The following TJP1 variants were observed in gnomAD, a reference collection of about 807,000 sequenced individuals.
TJP1 encodes the protein tight junction protein ZO-1.
TJP1 carries 43 observed loss-of-function variants against 194.2 expected under a neutral mutation model. The observed-to-expected ratio is 0.22, with a 90% CI of 0.17 to 0.29. TJP1 has a LOEUF of 0.29. Ranked by LOEUF, TJP1 falls within the 10% of genes least tolerant of loss-of-function variation. The probability of loss-of-function intolerance (pLI) is 1.00; values close to 1 mark genes in which losing one functional copy is unlikely to be tolerated. For synonymous variants in TJP1, 801 were observed against 779.0 expected, an observed-to-expected ratio of 1.03 and a Z score of -0.47; for missense variants, 1,971 against 2,185.7, an observed-to-expected ratio of 0.90 and a Z score of 1.96.
At chr15:29,863,794 C>T (rs2052188634) in intron 2 of TJP1, among the ~76,000 whole-genome samples, 1 of 152,150 alleles carries the variant, frequency 6.6e-6, no homozygotes, top group Non-Finnish European at 1.5e-5. Flanking sequence ...CACACCCCAT[C>T]CCCCAGAATG....
intron 2 of TJP1, among the ~76,000 whole-genome samples, chr15:29,947,040 T>C (rs978031600): frequency 6.6e-6 from 1 of 152,250 alleles, no homozygotes; most frequent in African/African-American, 2.4e-5. Flanking sequence ...TTCTAAAATA[T>C]ATTACTCACT....
intron 24 of TJP1, 99 bp from the exon 25 acceptor site, chr15:29,709,135 T>G: frequency 8.6e-7 from 1 of 1,158,372 alleles, no homozygotes. Flanking sequence ...GAGGCCCAAA[T>G]GTGGGTCGCA....
In TJP1 at chr15:29,718,863, A is replaced by G. The variant is rs763766072; in HGVS notation, c.3279T>C (p.Tyr1093=). 2 of 1,614,194 alleles carry G rather than the reference A, an allele frequency of 1.2e-6. No individual in the cohort carries two copies. Among genetic ancestry groups the G allele is most frequent in the Non-Finnish European group, 1.7e-6 (2 of 1,180,032 alleles). Residue 1093 remains tyrosine, a synonymous_variant, in exon 21 of 28, where the codon TAT becomes TAC. Coordinates refer to ENST00000614355, the MANE Select transcript of TJP1 (RefSeq NM_001330239.4). The stretch of plus-strand genomic sequence containing the variant: ...ATGGGTAGGGCTGTTTGTCATCATA[A>G]TATGACCACTGTTCTTCATACATGG... ...RVPMYEEQWS[Y]YDDKQPYPSR... is the part of the protein sequence containing the mutation.
chr15:29,720,979 C>A (rs1456900094), intron 18 of TJP1, among the ~76,000 whole-genome samples: 1 of 152,106 alleles, frequency 6.6e-6, no homozygotes, highest in African/African-American at 2.4e-5. Flanking sequence ...TGGAAGACAA[C>A]GAAGAAACTC....
intron 1 of TJP1, among the ~76,000 whole-genome samples, chr15:29,818,745 T>C (rs1427298115): frequency 1.3e-5 from 2 of 149,372 alleles, no homozygotes; most frequent in African/African-American, 5.0e-5. Context: ...CTTGAACTCC[T>C]GACGTCGTGA....
intron 2 of TJP1, among the ~76,000 whole-genome samples, chr15:29,877,252 G>A (rs1210659125): frequency 6.6e-6 from 1 of 152,248 alleles, no homozygotes; most frequent in Non-Finnish European, 1.5e-5. Context: ...GACATGCTCT[G>A]CCTTCCAGGC....
At chr15:29,929,971 T>A (rs2054653673) in intron 2 of TJP1, among the ~76,000 whole-genome samples, 1 of 152,078 alleles carries the variant, frequency 6.6e-6, no homozygotes, top group Admixed American at 6.5e-5. Flanking sequence ...GCAATACAAC[T>A]GAAAATTTAG....
At chr15:29,748,927 T>C (rs1326150351) in intron 8 of TJP1, among the ~76,000 whole-genome samples, 1 of 34,016 alleles carries the variant, frequency 2.9e-5, no homozygotes, top group African/African-American at 6.3e-5. Context: ...TAAAAATGTG[T>C]GTGTGTGTGT....
chr15:29,920,340 C>T (rs1234554481), intron 2 of TJP1, among the ~76,000 whole-genome samples: 2 of 152,142 alleles, frequency 1.3e-5, no homozygotes, highest in African/African-American at 4.8e-5. Context: ...AAGGCTACTC[C>T]TCTTGAGACT....
chr15:29,884,922 A>T (rs2053064967), intron 2 of TJP1, among the ~76,000 whole-genome samples: 1 of 152,196 alleles, frequency 6.6e-6, no homozygotes, highest in Admixed American at 6.5e-5. Context: ...CTAGCAACAG[A>T]TATGGATGGA....
chr15:29,965,187 ATT>A (rs1309316965), intron 1 of TJP1, among the ~76,000 whole-genome samples: 4 of 630 alleles, frequency 6.3e-3, no homozygotes, highest in African/African-American at 8.4e-3. Context: ...ACATCCTCAC[ATT>A]TATTTATTTA....
chr15:29,748,953 T>A (rs200890982), intron 8 of TJP1, among the ~76,000 whole-genome samples: 8 of 32,258 alleles, frequency 2.5e-4, no homozygotes, highest in Admixed American at 1.7e-3. Context: ...TGTGTGTGTG[T>A]GCGCGTGTGT....
chr15:29,959,509 C>T (rs998057499), intron 1 of TJP1, among the ~76,000 whole-genome samples: 2 of 152,044 alleles, frequency 1.3e-5, no homozygotes, highest in East Asian at 1.9e-4. Context: ...TTCCCCACTG[C>T]GACTACTGTG....
At position 29,822,184 on chromosome 15, in the gene TJP1, A is replaced by G; in HGVS notation, c.-156T>C. On this transcript the variant is annotated 5_prime_UTR_variant, in exon 1 of 28. Transcript: ENST00000614355. ...GAAGGGCCCGGCCCAGGGGGAGGGAATTCAACTCGGACAAAAGTCCGGGAA... is the reference window on the plus strand; with the variant it reads ...GAAGGGCCCGGCCCAGGGGGAGGGAGTTCAACTCGGACAAAAGTCCGGGAA... 1 of 1,176,908 alleles carries G rather than the reference A, an allele frequency of 8.5e-7. No individual in the cohort carries two copies. Among genetic ancestry groups the G allele is most frequent in the Non-Finnish European group, 1.0e-6 (1 of 952,572 alleles). The allele number at this position is 1,176,908 out of a possible 1,614,324, so 72.9% of individuals were successfully genotyped here.
At chr15:29,867,138 G>A (rs1252869648) in intron 2 of TJP1, among the ~76,000 whole-genome samples, 1 of 152,208 alleles carries the variant, frequency 6.6e-6, no homozygotes, top group Non-Finnish European at 1.5e-5. Flanking sequence ...GTAAAAGGTG[G>A]AAAGAGCAAT....
In TJP1 at chr15:29,839,747, C is replaced by T. The variant is rs571759799; in HGVS notation, c.307-39045G>A. Among the ~76,000 whole-genome samples the T allele has an allele frequency of 2.0e-5, 3 of 152,292 alleles. No individual in the cohort carries two copies. In the South Asian group the frequency reaches 6.2e-4, roughly 32 times the overall value. ...CATGTGAAAATAACTCTTCATTTCT[C>T]TGGAATAAATGCCTAAGAATTGAAA... is the stretch of plus-strand genomic sequence containing the variant. On this transcript the variant is annotated intron_variant, in intron 2 of 28. Coordinates refer to the TJP1 transcript ENST00000356107.
Position 29,720,608 on chromosome 15 carries a change from C to T in TJP1, c.2513G>A (p.Arg838Lys). ...SEYSMYSTDS[R>K]HTSDYEDTDT... ...TGTGTCTTCATAGTCAGAAGTGTGT[C>T]TACTGTCCGTGCTATACATTGAGTA... The change falls in exon 19 of 28, where the codon AGA becomes AAA. Residue 838 changes from arginine (R) to lysine (K), a missense_variant. This residue lies in a region of TJP1 where 402 missense variants were observed against 484.2 expected (regional missense o/e 0.83). Transcript: ENST00000614355. The T allele has an allele frequency of 1.9e-6, 3 of 1,614,128 alleles. No individual in the cohort carries two copies. The highest frequency in any genetic ancestry group is 2.5e-6 in the Non-Finnish European group (3 of 1,180,040).
intron 2 of TJP1, among the ~76,000 whole-genome samples, chr15:29,953,174 C>A (rs567071716): frequency 5.8e-5 from 6 of 103,944 alleles, no homozygotes; most frequent in Non-Finnish European, 7.5e-5. Flanking sequence ...CGGAGTCTCG[C>A]TCTGTCGTCC....
intron 2 of TJP1, among the ~76,000 whole-genome samples, chr15:29,848,508 T>C (rs1237653008): frequency 6.6e-6 from 1 of 152,242 alleles, no homozygotes; most frequent in Non-Finnish European, 1.5e-5. Flanking sequence ...CATTTTATAG[T>C]AGTAACAGAG....
Sources: allele counts gnomAD v4.1 joint callset (sites outside exome capture counted in the v4.1 genomes callset), GRCh38; gene constraint gnomAD v4.1.1; regional missense constraint gnomAD v4.1.1; transcripts MANE v1.5; gene names NCBI Gene and HGNC (gene_info 2026-07-23, HGNC 2026-07-21).